The following SLC2A14 variants were observed in gnomAD, a reference collection of about 807,000 sequenced individuals.
SLC2A14 encodes the protein solute carrier family 2, facilitated glucose transporter member 14.
A neutral mutation model predicts 43.0 loss-of-function variants in SLC2A14; 13 were observed. The ratio of observed to expected loss-of-function variants is 0.30; its 90% CI spans 0.20 to 0.48. The LOEUF (loss-of-function observed/expected upper bound fraction) is 0.48. Ranked by LOEUF, SLC2A14 falls within the 20% of genes least tolerant of loss-of-function variation. The pLI, the probability that SLC2A14 is intolerant of heterozygous loss-of-function variation, is 0.99. For synonymous variants in SLC2A14, 190 were observed against 233.8 expected (o/e 0.81, Z 1.71); for missense variants, 428 against 620.4 (o/e 0.69, Z 3.29).
chr12:7,880,961 G>A (rs111943467), intron 1 of SLC2A14, among the ~76,000 whole-genome samples: 4,691 of 152,220 alleles, frequency 0.031, 226 homozygotes, highest in East Asian at 0.2. Context: ...CCAACAAGGT[G>A]AAACTCGTCT....
intron 1 of SLC2A14, among the ~76,000 whole-genome samples, chr12:7,882,588 T>C (rs1033855518): frequency 1.3e-5 from 2 of 152,034 alleles, no homozygotes; most frequent in Non-Finnish European, 2.9e-5. Flanking sequence ...ATCTCAGCAC[T>C]CTGGGAGGCT....
At chr12:7,836,809 C>T (rs548995745) in intron 2 of SLC2A14, among the ~76,000 whole-genome samples, 81 of 151,880 alleles carry the variant, frequency 5.3e-4, no homozygotes, top group Non-Finnish European at 9.7e-4. Context: ...GCACACCAGC[C>T]TGGGTGACCA....
At position 7,819,500 on chromosome 12, in the gene SLC2A14, A is replaced by C. The variant is rs766673049; in HGVS notation, c.1053T>G (p.Thr351=). ...CACTTACCTTTAATAACAAAGAAAC[A>C]GTCATGAGCGTGGAACAAAAAGCCA... ...GGMAFCSTLM[T]VSLLLKNHYN... The change falls in exon 9 of 11, where the codon ACT becomes ACG. Residue 351 remains threonine, a synonymous_variant. Coordinates refer to ENST00000431042, the MANE Select transcript of SLC2A14 (RefSeq NM_001286234.2). 9 of 1,612,560 alleles carry C rather than the reference A, an allele frequency of 5.6e-6. No individual in the cohort carries two copies. Among genetic ancestry groups the C allele is most frequent in the Non-Finnish European group, 7.6e-6 (9 of 1,179,372 alleles).
chr12:7,824,601 T>C lies in SLC2A14; in HGVS notation c.864+2894A>G, dbSNP rs748486535. Among the ~76,000 whole-genome samples, 28 of 150,520 alleles carry C rather than the reference T, an allele frequency of 1.9e-4. 1 individual carries two copies. The highest frequency in any genetic ancestry group is 6.6e-4 in the African/African-American group (27 of 40,992). ...ACACAAAATTAGCCAGGCGAAGTGGTGCACGCCTGTAATCCCAGCTACTCA... is the reference window on the plus strand; with the variant it reads ...ACACAAAATTAGCCAGGCGAAGTGGCGCACGCCTGTAATCCCAGCTACTCA... On this transcript the variant is annotated intron_variant, in intron 7 of 10. Coordinates refer to ENST00000431042, the MANE Select transcript of SLC2A14 (RefSeq NM_001286234.2).
upstream of SLC2A14, among the ~76,000 whole-genome samples, chr12:7,875,381 G>T (rs1342432422): frequency 1.3e-5 from 2 of 150,292 alleles, no homozygotes; most frequent in African/African-American, 4.9e-5. Flanking sequence ...GGTGATGCAC[G>T]CCTGCAATTC....
At chr12:7,875,170 A>AAT (rs1565585677), upstream of SLC2A14, among the ~76,000 whole-genome samples, 3 of 135,672 alleles carry the variant, frequency 2.2e-5, no homozygotes, top group Non-Finnish European at 3.1e-5. Context: ...ATATATATTT[A>AAT]ATTATATATA....
chr12:7,829,908 C>T lies in SLC2A14; in HGVS notation c.371G>A (p.Gly124Asp). 2.5e-6 allele frequency: 4 copies of T among 1,614,174 alleles called. No homozygotes were observed. The highest frequency in any genetic ancestry group is 3.4e-6 in the Non-Finnish European group (4 of 1,180,032). Residue 124 changes from glycine to aspartate, a missense_variant, in exon 5 of 11, where the codon GGC becomes GAC. Transcript: ENST00000431042. The part of the protein sequence containing the change: ...IAESVEMLIL[G>D]RLVIGLFCGL... ...GCAGAAGAGGCCAATAACCAAGCGG[C>T]CCAGGATCAGCATTTCAACTGACTC...
At chr12:7,858,997 T>C (rs1386375862) in intron 2 of SLC2A14, among the ~76,000 whole-genome samples, 1 of 152,158 alleles carries the variant, frequency 6.6e-6, no homozygotes, top group Admixed American at 6.5e-5. Context: ...AAAGGTCCAG[T>C]TGCATTTTTT....
At chr12:7,831,308 T>C (rs1865005675) in intron 4 of SLC2A14, 1 of 295,820 alleles carries the variant, frequency 3.4e-6, no homozygotes, top group African/African-American at 2.1e-5. Flanking sequence ...TTAAGTATGT[T>C]CCTGGAAACC....
chr12:7,848,746 G>A (rs1866678762), intron 2 of SLC2A14, among the ~76,000 whole-genome samples: 1 of 151,820 alleles, frequency 6.6e-6, no homozygotes, highest in Non-Finnish European at 1.5e-5. Flanking sequence ...AGTAGAGATG[G>A]GGTTTCACCA....
intron 4 of SLC2A14, 98 bp from the exon 5 acceptor site, chr12:7,830,104 A>G: frequency 6.8e-7 from 1 of 1,466,898 alleles, no homozygotes; most frequent in Non-Finnish European, 9.2e-7. Context: ...CCAGGCTTAT[A>G]TCAACTCCTT....
intron 2 of SLC2A14, among the ~76,000 whole-genome samples, chr12:7,866,312 A>G (rs1016919461): frequency 6.6e-6 from 1 of 151,802 alleles, no homozygotes; most frequent in African/African-American, 2.4e-5. Flanking sequence ...ACCACTAAAC[A>G]TTTTCTTAAG....
In SLC2A14 at chr12:7,869,934, C is replaced by T; in HGVS notation, c.-54G>A. The T allele has an allele frequency of 1.3e-6, 2 of 1,521,294 alleles. No individual in the cohort carries two copies. Among genetic ancestry groups the T allele is most frequent in the Non-Finnish European group, 1.8e-6 (2 of 1,136,608 alleles). The allele number at this position is 1,521,294 out of a possible 1,614,324, so 94.2% of individuals were successfully genotyped here. On this transcript the variant is annotated 5_prime_UTR_variant, in exon 2 of 11. Coordinates refer to ENST00000431042, the MANE Select transcript of SLC2A14 (RefSeq NM_001286234.2). The stretch of plus-strand genomic sequence containing the variant: ...TCTCCAATTTCTCTTCAAGGTACTG[C>T]TTCCTGTAAATTGTAATTGTCTAGT...
chr12:7,874,750 A>T (rs1411976026), upstream of SLC2A14, among the ~76,000 whole-genome samples: 1 of 110,268 alleles, frequency 9.1e-6, no homozygotes, highest in East Asian at 2.3e-4. Flanking sequence ...AATATATATA[A>T]ATATTTATAT....
rs1945311546 is a variant in SLC2A14 at position 7,872,799 on chromosome 12, G to A, written c.-58+8C>T. On this transcript the variant is annotated splice_region_variant and intron_variant, in intron 1 of 10. Coordinates refer to ENST00000431042, the MANE Select transcript of SLC2A14 (RefSeq NM_001286234.2). Reference sequence around the variant, plus strand: ...CCCCCGGCCGCAGGGACGGCGCGGCGCACCCACCTCCCAGACCCCGCGACT... The same window carrying A: ...CCCCCGGCCGCAGGGACGGCGCGGCACACCCACCTCCCAGACCCCGCGACT... 2 of 985,350 alleles carry A rather than the reference G, an allele frequency of 2.0e-6. No individual in the cohort carries two copies. The allele number at this position is 985,350 out of a possible 1,614,324, so 61.0% of individuals were successfully genotyped here.
chr12:7,816,057 C>T (rs1401695055), intron 10 of SLC2A14, among the ~76,000 whole-genome samples: 1 of 150,586 alleles, frequency 6.6e-6, no homozygotes, highest in African/African-American at 2.5e-5. Flanking sequence ...CCTGCCACCA[C>T]ACCCAGCTAA....
chr12:7,881,958 A>T (rs1945583247), intron 1 of SLC2A14, among the ~76,000 whole-genome samples: 1 of 152,022 alleles, frequency 6.6e-6, no homozygotes, highest in African/African-American at 2.4e-5. Context: ...AAACGCACCA[A>T]TCAGCGCCCT....
chr12:7,859,251 G>A (rs535703355), intron 2 of SLC2A14, among the ~76,000 whole-genome samples: 26 of 152,170 alleles, frequency 1.7e-4, no homozygotes, highest in East Asian at 1.4e-3. Context: ...TTAGCTAGGC[G>A]TAGTGGCGCA....
At chr12:7,870,870 A>AAAG in intron 1 of SLC2A14, 1 of 1,277,016 alleles carries the variant, frequency 7.8e-7, no homozygotes, top group Non-Finnish European at 1.0e-6. Flanking sequence ...CAAGTGGACC[A>AAAG]AAGCCAAGAC....
Sources: allele counts gnomAD v4.1 joint callset (sites outside exome capture counted in the v4.1 genomes callset), GRCh38; gene constraint gnomAD v4.1.1; transcripts MANE v1.5; gene names NCBI Gene and HGNC (gene_info 2026-07-23, HGNC 2026-07-21).